The following NLK variants were observed in gnomAD, a reference collection of about 807,000 sequenced individuals.
The protein encoded by NLK is serine/threonine-protein kinase NLK.
NLK carries 11 observed loss-of-function variants against 59.0 expected under a neutral mutation model. That is an observed-to-expected ratio of 0.19 (90% CI 0.12 to 0.31). The LOEUF (loss-of-function observed/expected upper bound fraction) is 0.31, where lower values mean the gene tolerates loss of function less well. NLK is among the 10% of genes least tolerant of loss of function. The probability of loss-of-function intolerance (pLI) is 1.00; values close to 1 mark genes in which losing one functional copy is unlikely to be tolerated. For synonymous variants in NLK, 235 were observed against 235.9 expected (o/e 1.00, Z 0.03); for missense variants, 410 against 661.1 (o/e 0.62, Z 4.16).
intron 8 of NLK, 25 bp from the exon 9 acceptor site, chr17:28,190,996 G>A: frequency 6.5e-7 from 1 of 1,531,710 alleles, no homozygotes. Context: ...TAGTGTTGAT[G>A]TGCTGGTCTC....
At chr17:28,049,902 C>T (rs995651834) in intron 1 of NLK, among the ~76,000 whole-genome samples, 1 of 152,140 alleles carries the variant, frequency 6.6e-6, no homozygotes, top group Non-Finnish European at 1.5e-5. Flanking sequence ...ATCACTTGAA[C>T]GCAGGAGGCA....
chr17:28,137,255 T>G (rs184054153), intron 3 of NLK, among the ~76,000 whole-genome samples: 5 of 152,272 alleles, frequency 3.3e-5, no homozygotes, highest in Middle Eastern at 3.4e-3. Flanking sequence ...AAGAAACTAT[T>G]TTTGAGGTCT....
chr17:28,046,618 T>A (rs1909064194), intron 1 of NLK, among the ~76,000 whole-genome samples: 1 of 152,190 alleles, frequency 6.6e-6, no homozygotes, highest in Admixed American at 6.5e-5. Flanking sequence ...ATCTACCTTT[T>A]TGTCTGCAGT....
intron 1 of NLK, among the ~76,000 whole-genome samples, chr17:28,061,049 G>T (rs1461969147): frequency 1.3e-5 from 2 of 152,048 alleles, no homozygotes; most frequent in Non-Finnish European, 2.9e-5. Context: ...CTTAAGATGG[G>T]GTCTGGCTCT....
At chr17:28,187,633 G>T (rs1909166578) in intron 8 of NLK, among the ~76,000 whole-genome samples, 1 of 152,086 alleles carries the variant, frequency 6.6e-6, no homozygotes, top group South Asian at 2.1e-4. Context: ...CTCCCGATCT[G>T]CCAGGAAGGT....
chr17:28,189,987 AGGGAATCCG>A (rs547070018), intron 8 of NLK, among the ~76,000 whole-genome samples: 142 of 152,332 alleles, frequency 9.3e-4, no homozygotes, highest in African/African-American at 3.2e-3. Context: ...AAGTGTTTTT[AGGGAATCCG>A]GGCTTATGAG....
intron 1 of NLK, among the ~76,000 whole-genome samples, chr17:28,081,915 A>AT (rs1236119590): frequency 6.6e-6 from 1 of 152,116 alleles, no homozygotes; most frequent in Non-Finnish European, 1.5e-5. Flanking sequence ...TCCTTTTGAG[A>AT]TAGAGTCTCT....
chr17:28,162,918 C>CA (rs34292175), intron 4 of NLK, among the ~76,000 whole-genome samples: 150 of 117,680 alleles, frequency 1.3e-3, no homozygotes, highest in Middle Eastern at 4.4e-3. Flanking sequence ...GACCCTGTCT[C>CA]AAAAAAAAAA....
At chr17:28,203,158 C>T in the NLK span, among the ~76,000 whole-genome samples, 1 of 142,164 alleles carries the variant, frequency 7.0e-6, no homozygotes, top group East Asian at 2.0e-4. Flanking sequence ...AATGTATATA[C>T]ATACATACAC....
chr17:28,066,529 T>G (rs536318129), intron 1 of NLK, among the ~76,000 whole-genome samples: 12 of 152,314 alleles, frequency 7.9e-5, no homozygotes, highest in African/African-American at 2.9e-4. Context: ...TGATGGACAT[T>G]TAGGTTGTTT....
chr17:28,089,888 T>C (rs1467231507), intron 1 of NLK, among the ~76,000 whole-genome samples: 5 of 152,214 alleles, frequency 3.3e-5, no homozygotes, highest in African/African-American at 1.2e-4. Flanking sequence ...AAAAATTGTG[T>C]GTGTATTTTT....
chr17:28,141,484 G>T (rs117094412), intron 3 of NLK, among the ~76,000 whole-genome samples: 1 of 152,188 alleles, frequency 6.6e-6, no homozygotes, highest in South Asian at 2.1e-4. Flanking sequence ...ACTGGTAGCA[G>T]TCTGCTCTCA....
chr17:28,144,644 G>C (rs970726298), intron 3 of NLK, among the ~76,000 whole-genome samples: 3 of 152,162 alleles, frequency 2.0e-5, no homozygotes, highest in African/African-American at 7.2e-5. Flanking sequence ...TTAACCTCTT[G>C]ACATACTTAA....
chr17:28,095,666 A>T (rs1353223601), intron 1 of NLK, among the ~76,000 whole-genome samples: 1 of 152,220 alleles, frequency 6.6e-6, no homozygotes, highest in East Asian at 1.9e-4. Flanking sequence ...TATATTTGAA[A>T]TGATTATTCC....
rs148653984 is a variant in NLK at position 28,164,905 on chromosome 17, G to A, written c.837+1277G>A. 1.8e-4 allele frequency among the ~76,000 whole-genome samples: 28 copies of A among 152,022 alleles called. No individual in the cohort carries two copies. In the East Asian group the frequency reaches 3.3e-3, roughly 18 times the overall value. ...AGGTCAGTTCTCTTGAAAAGCTGGTGGATTATACTGCTTATGAATGAAAAT... is the reference window on the plus strand; with the variant it reads ...AGGTCAGTTCTCTTGAAAAGCTGGTAGATTATACTGCTTATGAATGAAAAT... On this transcript the variant is annotated intron_variant, in intron 5 of 10. Coordinates refer to ENST00000407008, the MANE Select transcript of NLK (RefSeq NM_016231.5).
Position 28,107,442 on chromosome 17 carries a change from AAAAAG to A in NLK, c.459-15152_459-15148del, listed in dbSNP as rs1175750919. Among the ~76,000 whole-genome samples, 5 of 151,892 alleles carry A rather than the reference AAAAAG, an allele frequency of 3.3e-5. No individual in the cohort carries two copies. The East Asian group carries it at 7.7e-4, about 23-fold the overall frequency. On this transcript the variant is annotated intron_variant, in intron 1 of 10. Transcript: ENST00000407008. ...AGAGCGAAACTCTGTCTCAAAAAAA[AAAAAG>A]AAAAGAAATAAATACTAAACACTGA...
chr17:28,050,763 A>G (rs1909223394), intron 1 of NLK, among the ~76,000 whole-genome samples: 1 of 152,190 alleles, frequency 6.6e-6, no homozygotes, highest in Non-Finnish European at 1.5e-5. Flanking sequence ...CAATCTAAGT[A>G]TGGCAGAAGA....
intron 6 of NLK, among the ~76,000 whole-genome samples, chr17:28,169,286 A>G (rs1206034596): frequency 2.0e-5 from 3 of 152,248 alleles, no homozygotes; most frequent in Non-Finnish European, 2.9e-5. Flanking sequence ...CTTCCTTCTA[A>G]GTGAATGGCT....
chr17:28,088,560 T>C (rs922129490), intron 1 of NLK, among the ~76,000 whole-genome samples: 2 of 152,242 alleles, frequency 1.3e-5, no homozygotes, highest in Admixed American at 1.3e-4. Context: ...AATTAACTTA[T>C]GGATTTAAGT....
Sources: gnomAD v4.1 joint callset for allele counts (sites outside exome capture counted in the v4.1 genomes callset) on GRCh38, gnomAD v4.1.1 for gene constraint, MANE v1.5 for transcripts, NCBI Gene and HGNC (gene_info 2026-07-23, HGNC 2026-07-21) for gene names.